The following MIB1 variants were observed in gnomAD, a reference collection of about 807,000 sequenced individuals.
MIB1 encodes the protein E3 ubiquitin-protein ligase MIB1.
In MIB1, 278 loss-of-function variants were observed where a neutral mutation model predicts 124.5. The observed-to-expected ratio is 2.23, with a 90% confidence interval of 2.02 to 2.47. The LOEUF (loss-of-function observed/expected upper bound fraction) is 2.47, where lower values mean the gene tolerates loss of function less well. Among genes scored for constraint, MIB1 ranks in the 30% most tolerant of loss-of-function variants. The probability of loss-of-function intolerance (pLI) is 0.00; values close to 1 mark genes in which losing one functional copy is unlikely to be tolerated. For missense variants in MIB1, 957 were observed against 1,254.4 expected (o/e 0.76, Z 3.58); for synonymous variants, 446 against 429.4 (o/e 1.04, Z -0.48).
At position 21,857,244 on chromosome 18, in the gene MIB1, G is replaced by A. The variant is rs570099048; in HGVS notation, c.2779+1G>A. On this transcript the variant is annotated splice_donor_variant, in intron 19 of 20. Transcript: ENST00000261537. LOFTEE classifies it high-confidence loss of function. ...TCAGAAGATGCCACTGATGATATCT[G>A]TAAGTCGATTGTCTTAAGCATTTTC... 3 of 1,602,792 alleles carry A rather than the reference G, an allele frequency of 1.9e-6. No homozygotes were observed. Among genetic ancestry groups the A allele is most frequent in the South Asian group, 1.1e-5 (1 of 90,772 alleles).
chr18:21,850,813 A>C (rs1048434334), intron 17 of MIB1, among the ~76,000 whole-genome samples: 1 of 152,184 alleles, frequency 6.6e-6, no homozygotes, highest in Admixed American at 6.5e-5. Flanking sequence ...CCTGTTTACG[A>C]AGTAATAGTT....
chr18:21,845,313 T>G (rs1303146765), intron 15 of MIB1, among the ~76,000 whole-genome samples: 2 of 151,996 alleles, frequency 1.3e-5, no homozygotes, highest in African/African-American at 4.8e-5. Context: ...CCCAGCCCTT[T>G]TCATTCTTCT....
At chr18:21,758,503 A>G (rs1389832576) in intron 1 of MIB1, among the ~76,000 whole-genome samples, 6 of 152,282 alleles carry the variant, frequency 3.9e-5, no homozygotes, top group African/African-American at 7.2e-5. Context: ...TTATGCCACA[A>G]TAAGTAGTTA....
chr18:21,766,662 C>T (rs1323293056), intron 2 of MIB1, among the ~76,000 whole-genome samples: 4 of 132,234 alleles, frequency 3.0e-5, no homozygotes, highest in African/African-American at 8.6e-5. Context: ...AATCGTGCCA[C>T]TTATTAACTG....
intron 2 of MIB1, among the ~76,000 whole-genome samples, chr18:21,767,782 C>T (rs1315167047): frequency 3.3e-5 from 5 of 152,082 alleles, no homozygotes; most frequent in African/African-American, 1.2e-4. Flanking sequence ...CTCCTGACCT[C>T]GTGATCCACC....
chr18:21,817,736 A>C, intron 11 of MIB1: 1 of 417,632 alleles, frequency 2.4e-6, no homozygotes, highest in South Asian at 1.7e-5. Context: ...GTTGGAGATG[A>C]AGCTGGGTCT....
chr18:21,799,407 G>A (rs1331712741), intron 8 of MIB1, among the ~76,000 whole-genome samples: 1 of 151,918 alleles, frequency 6.6e-6, no homozygotes, highest in Non-Finnish European at 1.5e-5. Context: ...TACAGAGATT[G>A]TTGCTTTTGA....
intron 1 of MIB1, among the ~76,000 whole-genome samples, chr18:21,760,052 A>T (rs45590343): frequency 1.3e-5 from 2 of 152,172 alleles, no homozygotes; most frequent in Admixed American, 6.5e-5. Flanking sequence ...AGCTGTCATC[A>T]GGTGGTTCAT....
chr18:21,794,268 A>G (rs1270759392), intron 7 of MIB1: 2 of 122,866 alleles, frequency 1.6e-5, no homozygotes, highest in Non-Finnish European at 3.6e-5. Flanking sequence ...GGACATAATT[A>G]AAAAGAAGTG....
At chr18:21,862,532 T>A (rs1019979762) in intron 20 of MIB1, among the ~76,000 whole-genome samples, 1 of 152,238 alleles carries the variant, frequency 6.6e-6, no homozygotes, top group African/African-American at 2.4e-5. Context: ...TTCAGACATA[T>A]ACCTGACATA....
chr18:21,760,789 C>T (rs1402529668), intron 1 of MIB1, among the ~76,000 whole-genome samples: 1 of 152,184 alleles, frequency 6.6e-6, no homozygotes, highest in Non-Finnish European at 1.5e-5. Context: ...AGTTGGGATA[C>T]ATTTTCCCTA....
At chr18:21,799,468 TGA>T (rs2041625489) in intron 8 of MIB1, among the ~76,000 whole-genome samples, 1 of 152,052 alleles carries the variant, frequency 6.6e-6, no homozygotes, top group South Asian at 2.1e-4. Context: ...TATTGAGCTC[TGA>T]GAGTCACTGT....
intron 1 of MIB1, among the ~76,000 whole-genome samples, chr18:21,749,468 G>A (rs923035601): frequency 5.9e-5 from 9 of 151,960 alleles, no homozygotes; most frequent in Admixed American, 1.3e-4. Context: ...ATACCTTTGT[G>A]TACTAATTTT....
intron 7 of MIB1, among the ~76,000 whole-genome samples, chr18:21,792,168 T>C (rs2041512209): frequency 6.6e-6 from 1 of 152,142 alleles, no homozygotes; most frequent in South Asian, 2.1e-4. Context: ...TTATGCTTCC[T>C]TCTTCTGTTT....
At chr18:21,844,047 A>G (rs777831528) in intron 14 of MIB1, 45 bp from the exon 15 acceptor site, 13 of 1,598,292 alleles carry the variant, frequency 8.1e-6, no homozygotes, top group Non-Finnish European at 1.1e-5. Flanking sequence ...GAAGTTTCTT[A>G]TGGATGTGGA....
chr18:21,808,597 A>T (rs929175601), intron 10 of MIB1, among the ~76,000 whole-genome samples: 3 of 152,084 alleles, frequency 2.0e-5, no homozygotes, highest in Non-Finnish European at 4.4e-5. Context: ...TTTGTTTCCT[A>T]TTTCTTTTTC....
At chr18:21,744,939 T>G (rs2040895847) in intron 1 of MIB1, among the ~76,000 whole-genome samples, 1 of 152,222 alleles carries the variant, frequency 6.6e-6, no homozygotes, top group African/African-American at 2.4e-5. Flanking sequence ...TCAAAGGGTC[T>G]TGAGGATTTC....
At chr18:21,765,309 A>T (rs985439845) in intron 1 of MIB1, among the ~76,000 whole-genome samples, 5 of 152,220 alleles carry the variant, frequency 3.3e-5, no homozygotes, top group Non-Finnish European at 7.3e-5. Flanking sequence ...GTCAATATCT[A>T]AGGGTGGTAA....
At chr18:21,822,055 TCTTA>T (rs1286396787) in intron 12 of MIB1, among the ~76,000 whole-genome samples, 1 of 152,202 alleles carries the variant, frequency 6.6e-6, no homozygotes, top group African/African-American at 2.4e-5. Flanking sequence ...TAAATGTTAG[TCTTA>T]CTTTGACAGT....
Sources: gnomAD v4.1 joint callset for allele counts (sites outside exome capture counted in the v4.1 genomes callset) on GRCh38, gnomAD v4.1.1 for gene constraint, MANE v1.5 for transcripts, NCBI Gene and HGNC (gene_info 2026-07-23, HGNC 2026-07-21) for gene names.